SAFB2: variants seen among roughly 807,000 people sequenced by gnomAD.
The protein encoded by SAFB2 is scaffold attachment factor B2.
SAFB2 carries 32 observed loss-of-function variants against 100.6 expected under a neutral mutation model. The ratio of observed to expected loss-of-function variants is 0.32; its 90% CI spans 0.24 to 0.43. The LOEUF (loss-of-function observed/expected upper bound fraction) is 0.43. Ranked by LOEUF, SAFB2 falls within the 20% of genes least tolerant of loss-of-function variation. SAFB2 has a pLI of 1.00. For missense variants in SAFB2, 1,185 were observed against 1,163.4 expected, an observed-to-expected ratio of 1.02 and a Z score of -0.27; for synonymous variants, 500 against 439.4, an observed-to-expected ratio of 1.14 and a Z score of -1.72.
intron 11 of SAFB2, among the ~76,000 whole-genome samples, chr19:5,602,479 CAAAAAA>C (rs35472223): frequency 6.8e-4 from 27 of 39,528 alleles, no homozygotes; most frequent in South Asian, 1.5e-3. Flanking sequence ...GACTCTGTCT[CAAAAAA>C]AAAAAAAAAA....
chr19:5,590,220 C>T (rs2052361622), intron 18 of SAFB2, 58 bp downstream of exon 18: 10 of 1,401,960 alleles, frequency 7.1e-6, no homozygotes, highest in Non-Finnish European at 8.5e-6. Context: ...GGCCAGGCAC[C>T]AACCTTTTCC....
Position 5,604,865 on chromosome 19 carries a change from C to T in SAFB2, c.1368G>A (p.Ser456=), listed in dbSNP as rs370774462. 1.2e-5 allele frequency: 20 copies of T among 1,614,010 alleles called. No individual in the cohort carries two copies. Among genetic ancestry groups the T allele is most frequent in the Admixed American group, 5.0e-5 (3 of 59,996 alleles). Residue 456 remains serine (S), a synonymous_variant, in exon 10 of 21, where the codon TCG becomes TCA. Coordinates refer to ENST00000252542, the MANE Select transcript of SAFB2 (RefSeq NM_014649.3). ...GARCYGFVTM[S]TSDEATKCIS... ...TGCACTTGGTCGCCTCGTCAGATGT[C>T]GACATGGTGACGAATCCATAGCATC...
At chr19:5,600,085 G>A (rs368538017) in intron 12 of SAFB2, 45 bp downstream of exon 12, 277 of 1,588,946 alleles carry the variant, frequency 1.7e-4, no homozygotes, top group Non-Finnish European at 2.2e-4. Flanking sequence ...CTCCCCACCC[G>A]TGCCAGGCCT....
chr19:5,587,219 CCG>C lies in SAFB2; in HGVS notation c.*22_*23del. The C allele has an allele frequency of 6.2e-7, 1 of 1,607,390 alleles. No individual in the cohort carries two copies. The highest frequency in any genetic ancestry group is 8.5e-7 in the Non-Finnish European group (1 of 1,175,264). On this transcript the variant is annotated 3_prime_UTR_variant, in exon 21 of 21. Transcript: ENST00000252542. This position sits in a 1 kb window ranked among gnomAD's most constrained non-coding sequence, Gnocchi z 4.9. Reference sequence around the variant, plus strand: ...CAGATTCAACAGTGCGTCTGCCCACCCGAAAACTCGCAGCGAGTGGGACTTAG... The same window carrying C: ...CAGATTCAACAGTGCGTCTGCCCACCAAAACTCGCAGCGAGTGGGACTTAG...
chr19:5,616,525 G>T, intron 2 of SAFB2, 39 bp from the exon 3 acceptor site: 2 of 1,524,494 alleles, frequency 1.3e-6, no homozygotes. Flanking sequence ...TAACACTCAA[G>T]TTCTACCTCA....
intron 1 of SAFB2, among the ~76,000 whole-genome samples, chr19:5,621,817 C>A (rs1449934910): frequency 6.6e-6 from 1 of 152,386 alleles, no homozygotes; most frequent in East Asian, 1.9e-4. Context: ...TCCCTCAGTG[C>A]CTGCCACCTG....
At chr19:5,620,970 T>G (rs1440507094) in intron 2 of SAFB2, among the ~76,000 whole-genome samples, 1 of 152,208 alleles carries the variant, frequency 6.6e-6, no homozygotes, top group Non-Finnish European at 1.5e-5. Flanking sequence ...ACCTATTTTT[T>G]GAACCAGGAA....
At chr19:5,609,298 TTC>T (rs1336649251) in intron 9 of SAFB2, among the ~76,000 whole-genome samples, 1 of 144,898 alleles carries the variant, frequency 6.9e-6, no homozygotes, top group Non-Finnish European at 1.5e-5. Flanking sequence ...ATTCACTTCA[TTC>T]TTTTTTTTTT....
At chr19:5,596,320 G>A (rs1254785109) in intron 13 of SAFB2, among the ~76,000 whole-genome samples, 2 of 152,110 alleles carry the variant, frequency 1.3e-5, no homozygotes, top group African/African-American at 4.8e-5. Flanking sequence ...TCCTAATAAG[G>A]TACAGAACAC....
At chr19:5,604,259 TG>T (rs1338398504) in intron 11 of SAFB2, among the ~76,000 whole-genome samples, 1 of 152,146 alleles carries the variant, frequency 6.6e-6, no homozygotes, top group Non-Finnish European at 1.5e-5. Context: ...AAAAGTAGCC[TG>T]GCTGGGTGGT....
In SAFB2 at chr19:5,610,358, C is replaced by T. The variant is rs535995469; in HGVS notation, c.1196-263G>A. On this transcript the variant is annotated intron_variant, in intron 8 of 20. Transcript: ENST00000252542. Reference sequence around the variant, plus strand: ...TTTGATGATCAGATCTCATCCAAGACGGCAGTCTCTAAAATCCTTGAAACA... The same window carrying T: ...TTTGATGATCAGATCTCATCCAAGATGGCAGTCTCTAAAATCCTTGAAACA... 30 of 585,682 alleles carry T rather than the reference C, an allele frequency of 5.1e-5. 1 individual carries two copies. The highest frequency in any genetic ancestry group is 4.1e-4 in the South Asian group (19 of 46,858). The allele number at this position is 585,682 out of a possible 1,614,324, so 36.3% of individuals were successfully genotyped here. A position where few individuals can be genotyped will look rare whatever the true frequency, so the allele number is the denominator to read the frequency against.
At chr19:5,596,334 T>C (rs1185381998) in intron 13 of SAFB2, among the ~76,000 whole-genome samples, 4 of 152,202 alleles carry the variant, frequency 2.6e-5, no homozygotes, top group East Asian at 1.9e-4. Context: ...AGAACACTAA[T>C]AGCCAACTTC....
intron 2 of SAFB2, among the ~76,000 whole-genome samples, chr19:5,618,740 C>T (rs1236762688): frequency 6.6e-6 from 1 of 152,206 alleles, no homozygotes; most frequent in African/African-American, 2.4e-5. Context: ...AAATGCTGAC[C>T]AAAAAGCATC....
chr19:5,587,198 T>C lies in SAFB2; in HGVS notation c.*45A>G, dbSNP rs369873319. ...GTTCGAGGGAACCCTGGCTACCAGATTCAACAGTGCGTCTGCCCACCCGAA... is the reference window on the plus strand; with the variant it reads ...GTTCGAGGGAACCCTGGCTACCAGACTCAACAGTGCGTCTGCCCACCCGAA... On this transcript the variant is annotated 3_prime_UTR_variant, in exon 21 of 21. Coordinates refer to ENST00000252542, the MANE Select transcript of SAFB2 (RefSeq NM_014649.3). This position sits in a 1 kb window ranked among gnomAD's most constrained non-coding sequence, Gnocchi z 4.9. 6.9e-6 allele frequency: 11 copies of C among 1,597,038 alleles called. No homozygotes were observed. The African/African-American group carries it at 1.3e-4, about 19-fold the overall frequency.
At position 5,622,502 on chromosome 19, in the gene SAFB2, G is replaced by A. The variant is rs552910232; in HGVS notation, c.186+28C>T. ...GCGGGGGCGTGCCCGGGCCTCCTGC[G>A]CCACCCCCGAGCCCCGCGCCGCCTC... On this transcript the variant is annotated intron_variant, in intron 1 of 20. Transcript: ENST00000252542. The A allele has an allele frequency of 1.4e-5, 22 of 1,547,550 alleles. No homozygotes were observed. In the South Asian group the frequency reaches 2.1e-4, roughly 15 times the overall value.
chr19:5,587,087 T>TAA lies in SAFB2; in HGVS notation c.*155_*156insTT. On this transcript the variant is annotated 3_prime_UTR_variant, in exon 21 of 21. Coordinates refer to ENST00000252542, the MANE Select transcript of SAFB2 (RefSeq NM_014649.3). The surrounding 1 kb of genome is among the most constrained non-coding windows in gnomAD (Gnocchi z 4.9). ...AATGGCAGAACAAGAACACATTTAT[T>TAA]TAAAAAAAAAAAAAAAGTGAGTTCA... 2 of 960,026 alleles carry TAA rather than the reference T, an allele frequency of 2.1e-6. No individual in the cohort carries two copies. The highest frequency in any genetic ancestry group is 3.1e-6 in the Non-Finnish European group (2 of 650,956). The allele number at this position is 960,026 out of a possible 1,614,324, so 59.5% of individuals were successfully genotyped here.
At chr19:5,590,528 T>G (rs1003283281) in intron 17 of SAFB2, 120 bp from the exon 18 acceptor site, 2 of 1,168,838 alleles carry the variant, frequency 1.7e-6, no homozygotes, top group African/African-American at 3.1e-5. Flanking sequence ...GAGAGAGGAC[T>G]GAAGGGTGCA....
At chr19:5,613,805 C>T (rs936146100) in intron 4 of SAFB2, 1 of 902,330 alleles carries the variant, frequency 1.1e-6, no homozygotes, top group Admixed American at 6.2e-5. Context: ...TTTCTAAGTA[C>T]TGGTGATTAC....
At chr19:5,609,300 C>CTTT (rs751534976) in intron 9 of SAFB2, among the ~76,000 whole-genome samples, 207 of 118,746 alleles carry the variant, frequency 1.7e-3, no homozygotes, top group African/African-American at 2.1e-3. Flanking sequence ...TCACTTCATT[C>CTTT]TTTTTTTTTT....
Sources: gnomAD v4.1 joint callset for allele counts (sites outside exome capture counted in the v4.1 genomes callset) on GRCh38, gnomAD v4.1.1 for gene constraint, Gnocchi (gnomAD v3.1) non-coding constraint, MANE v1.5 for transcripts, NCBI Gene and HGNC (gene_info 2026-07-23, HGNC 2026-07-21) for gene names.